Variants in B3GALT1 observed in about 807,000 individuals in gnomAD.
B3GALT1 encodes UDP-Gal:betaGlcNAc beta 1,3-galactosyltransferase, polypeptide 1.
In B3GALT1, 10 loss-of-function variants were observed where a neutral mutation model predicts 23.2. The ratio of observed to expected loss-of-function variants is 0.43; its 90% confidence interval spans 0.27 to 0.73. The LOEUF (loss-of-function observed/expected upper bound fraction) is 0.73, where lower values mean the gene tolerates loss of function less well. Ranked by LOEUF, B3GALT1 falls within the 30% of genes least tolerant of loss-of-function variation. B3GALT1 has a pLI of 0.21. For synonymous variants in B3GALT1, 156 were observed against 141.5 expected, an observed-to-expected ratio of 1.10 and a Z score of -0.73; for missense variants, 299 against 405.4, an observed-to-expected ratio of 0.74 and a Z score of 2.25.
Position 167,636,240 on chromosome 2 carries a change from C to A in B3GALT1, c.-409-10669C>A, listed in dbSNP as rs540505528. ...ACTCCTGCCTGGCAGGTGAGCATGG[C>A]AGGGCAGGAGCAGAGCACCTCTGAT... On this transcript the variant is annotated intron_variant, in intron 2 of 4. Transcript: ENST00000392690. Among the ~76,000 whole-genome samples the A allele has an allele frequency of 3.3e-5, 5 of 151,942 alleles. 1 individual carries two copies. In the South Asian group the frequency reaches 8.3e-4, roughly 25 times the overall value.
chr2:167,730,682 A>G lies in B3GALT1; in HGVS notation c.-352+83716A>G, dbSNP rs116658237. ...ATTCCTGTTTATGTATTTCCACACA[A>G]GCAGTTACCAATGGCAAATATTATT... On this transcript the variant is annotated intron_variant, in intron 3 of 4. Coordinates refer to ENST00000392690, the MANE Select transcript of B3GALT1 (RefSeq NM_020981.4). Among the ~76,000 whole-genome samples, 836 of 152,284 alleles carry G rather than the reference A, an allele frequency of 5.5e-3. 6 individuals are homozygous for G. Among genetic ancestry groups the G allele is most frequent in the African/African-American group, 0.016 (679 of 41,562 alleles).
chr2:167,515,315 A>T (rs1250395015), intron 2 of B3GALT1, among the ~76,000 whole-genome samples: 1 of 152,162 alleles, frequency 6.6e-6, no homozygotes, highest in East Asian at 1.9e-4. Flanking sequence ...TTATTATTAC[A>T]TTCACTATGC....
chr2:167,453,156 C>T (rs1397822764), intron 1 of B3GALT1, among the ~76,000 whole-genome samples: 1 of 152,080 alleles, frequency 6.6e-6, no homozygotes, highest in African/African-American at 2.4e-5. Flanking sequence ...GAGAAGGAGT[C>T]AGATAATCTG....
At chr2:167,443,817 G>A (rs1698936538) in intron 1 of B3GALT1, among the ~76,000 whole-genome samples, 1 of 152,090 alleles carries the variant, frequency 6.6e-6, no homozygotes, top group Admixed American at 6.5e-5. Context: ...CTGTAAACAG[G>A]GACAATTTGA....
At chr2:167,461,971 G>A (rs1699265196) in intron 1 of B3GALT1, among the ~76,000 whole-genome samples, 1 of 152,124 alleles carries the variant, frequency 6.6e-6, no homozygotes, top group Admixed American at 6.5e-5. Context: ...CCTAGTTGTA[G>A]TATTTGCCAA....
In B3GALT1 at chr2:167,671,852, T is replaced by G. The variant is rs1367069704; in HGVS notation, c.-352+24886T>G. Among the ~76,000 whole-genome samples, 4 of 152,032 alleles carry G rather than the reference T, an allele frequency of 2.6e-5. No individual in the cohort carries two copies. In the East Asian group the frequency reaches 7.7e-4, roughly 29 times the overall value. On this transcript the variant is annotated intron_variant, in intron 3 of 4. Transcript: ENST00000392690. ...ATGATTGACAAAACTAAAAGTTGGT[T>G]TTTTGAAAAGATTGACATTTAGCTA... is the stretch of plus-strand genomic sequence containing the variant.
chr2:167,417,153 A>G (rs946187918), intron 1 of B3GALT1, among the ~76,000 whole-genome samples: 2 of 152,072 alleles, frequency 1.3e-5, no homozygotes, highest in African/African-American at 4.8e-5. Flanking sequence ...TCATGTTGAC[A>G]CTCAATCCTC....
chr2:167,663,301 T>A (rs1413934271), intron 3 of B3GALT1, among the ~76,000 whole-genome samples: 1 of 152,122 alleles, frequency 6.6e-6, no homozygotes, highest in African/African-American at 2.4e-5. Flanking sequence ...ATCATTTTTT[T>A]ATGGCTGCAT....
intron 2 of B3GALT1, among the ~76,000 whole-genome samples, chr2:167,500,767 T>A (rs1213614594): frequency 6.6e-6 from 1 of 152,220 alleles, no homozygotes; most frequent in Non-Finnish European, 1.5e-5. Context: ...TATTGAGACT[T>A]TCAATTCATG....
At chr2:167,443,654 A>T (rs1384533624) in intron 1 of B3GALT1, among the ~76,000 whole-genome samples, 1 of 152,172 alleles carries the variant, frequency 6.6e-6, no homozygotes, top group Non-Finnish European at 1.5e-5. Context: ...GAGTTCACTC[A>T]TGATTTGGCT....
At chr2:167,470,422 T>A (rs1699406537) in intron 1 of B3GALT1, among the ~76,000 whole-genome samples, 1 of 152,200 alleles carries the variant, frequency 6.6e-6, no homozygotes, top group Non-Finnish European at 1.5e-5. Context: ...AACTTTAAAT[T>A]TTAAATAATA....
At chr2:167,587,113 A>G (rs1684596290) in intron 2 of B3GALT1, among the ~76,000 whole-genome samples, 1 of 152,144 alleles carries the variant, frequency 6.6e-6, no homozygotes, top group Non-Finnish European at 1.5e-5. Flanking sequence ...GTCTAATCTC[A>G]ACTAACTGCT....
rs1553463239 is a variant in B3GALT1, at chr2:167,512,566, ATG to A, written c.-410+22291_-410+22292del. Among the ~76,000 whole-genome samples, 167 of 91,926 alleles carry A rather than the reference ATG, an allele frequency of 1.8e-3. 8 individuals are homozygous for A. The highest frequency in any genetic ancestry group is 8.1e-3 in the African/African-American group (116 of 14,274). The allele number at this position is 91,926 out of a possible 152,430, so 60.3% of individuals were successfully genotyped here. ...TATATGTATATATATGTATATATATATGTATATATATATGTATATATATATGT... is the reference window on the plus strand; with the variant it reads ...TATATGTATATATATGTATATATATATATATATATATGTATATATATATGT... On this transcript the variant is annotated intron_variant, in intron 2 of 4. Coordinates refer to ENST00000392690, the MANE Select transcript of B3GALT1 (RefSeq NM_020981.4).
chr2:167,637,987 G>A (rs1260014505), intron 2 of B3GALT1, among the ~76,000 whole-genome samples: 2 of 151,988 alleles, frequency 1.3e-5, no homozygotes, highest in African/African-American at 4.8e-5. Flanking sequence ...AACAAAGCAG[G>A]AAGTCAGAAT....
intron 4 of B3GALT1, among the ~76,000 whole-genome samples, chr2:167,818,997 T>A (rs1466720071): frequency 6.6e-6 from 1 of 152,220 alleles, no homozygotes; most frequent in Admixed American, 6.5e-5. Flanking sequence ...TATTTCTTTT[T>A]TAAAATTTTT....
At chr2:167,519,763 C>T (rs1700159426) in intron 2 of B3GALT1, among the ~76,000 whole-genome samples, 1 of 152,244 alleles carries the variant, frequency 6.6e-6, no homozygotes, top group South Asian at 2.1e-4. Context: ...CCTTTTGTTC[C>T]TTTTCTCTAT....
At chr2:167,648,529 T>C (rs553854153) in intron 3 of B3GALT1, among the ~76,000 whole-genome samples, 1 of 152,252 alleles carries the variant, frequency 6.6e-6, no homozygotes, top group East Asian at 1.9e-4. Flanking sequence ...TATGAAATAT[T>C]CTTACCCATC....
At chr2:167,422,765 TAGA>T (rs1420210341) in intron 1 of B3GALT1, among the ~76,000 whole-genome samples, 2 of 152,136 alleles carry the variant, frequency 1.3e-5, no homozygotes, top group African/African-American at 4.8e-5. Flanking sequence ...TTCCAGAGAT[TAGA>T]AGGACAGAGG....
intron 4 of B3GALT1, among the ~76,000 whole-genome samples, chr2:167,830,461 G>T (rs549786798): frequency 6.6e-6 from 1 of 151,794 alleles, no homozygotes; most frequent in Non-Finnish European, 1.5e-5. Context: ...AGGCTTTCAC[G>T]TGAAAAGTTT....
Sources: allele counts gnomAD v4.1 joint callset (sites outside exome capture counted in the v4.1 genomes callset), GRCh38; gene constraint gnomAD v4.1.1; transcripts MANE v1.5; gene names NCBI Gene and HGNC (gene_info 2026-07-23, HGNC 2026-07-21).